Variants in SGCZ observed in about 807,000 individuals in gnomAD.
SGCZ encodes the protein sarcoglycan zeta.
A neutral mutation model predicts 41.3 loss-of-function variants in SGCZ; 40 were observed. The ratio of observed to expected loss-of-function variants is 0.97; its 90% CI spans 0.75 to 1.26. The LOEUF (loss-of-function observed/expected upper bound fraction) is 1.26. SGCZ is among the 50% of genes most tolerant of loss of function. The pLI is 0.00. For synonymous variants in SGCZ, 206 were observed against 137.5 expected (o/e 1.50, Z -3.49); for missense variants, 552 against 369.8 (o/e 1.49, Z -4.04).
intron 2 of SGCZ, among the ~76,000 whole-genome samples, chr8:14,454,106 C>T (rs1800674786): frequency 6.6e-6 from 1 of 152,222 alleles, no homozygotes; most frequent in Middle Eastern, 3.4e-3. Context: ...TGGGGAATGG[C>T]CATTTCCTTA....
At chr8:14,430,056 C>T (rs932184044) in intron 2 of SGCZ, among the ~76,000 whole-genome samples, 37 of 152,134 alleles carry the variant, frequency 2.4e-4, no homozygotes, top group African/African-American at 7.5e-4. Flanking sequence ...CTTCTTTTCT[C>T]GGTTAATCTG....
chr8:14,843,241 A>G (rs1802987611), intron 1 of SGCZ, among the ~76,000 whole-genome samples: 2 of 152,092 alleles, frequency 1.3e-5, no homozygotes, highest in Non-Finnish European at 2.9e-5. Flanking sequence ...ACTAGTTTCT[A>G]TGTACATAGA....
At chr8:15,205,677 G>A (rs540940940) in intron 1 of SGCZ, among the ~76,000 whole-genome samples, 1 of 152,280 alleles carries the variant, frequency 6.6e-6, no homozygotes, top group East Asian at 1.9e-4. Flanking sequence ...ATGTAAATTA[G>A]TTCAACCATT....
At chr8:14,637,216 C>G (rs1806860339) in intron 1 of SGCZ, among the ~76,000 whole-genome samples, 1 of 151,812 alleles carries the variant, frequency 6.6e-6, no homozygotes, top group South Asian at 2.1e-4. Context: ...TTTATTCAGT[C>G]TGTTTTCTAG....
intron 1 of SGCZ, among the ~76,000 whole-genome samples, chr8:15,099,637 T>C (rs1283991686): frequency 6.6e-6 from 1 of 152,150 alleles, no homozygotes; most frequent in Non-Finnish European, 1.5e-5. Flanking sequence ...ATTACCCTAA[T>C]ACTAAAACCT....
intron 1 of SGCZ, among the ~76,000 whole-genome samples, chr8:15,091,435 A>T (rs1454495230): frequency 6.6e-6 from 1 of 152,206 alleles, no homozygotes; most frequent in African/African-American, 2.4e-5. Context: ...AGAAATCCTC[A>T]TCATTCTGGA....
intron 4 of SGCZ, among the ~76,000 whole-genome samples, chr8:14,231,486 G>A (rs577637171): frequency 1.6e-4 from 24 of 152,008 alleles, no homozygotes; most frequent in Middle Eastern, 6.8e-3. Context: ...GGCAAACACA[G>A]GTCCAATTAT....
chr8:14,803,987 A>G (rs972994702), intron 1 of SGCZ, among the ~76,000 whole-genome samples: 1 of 123,180 alleles, frequency 8.1e-6, no homozygotes, highest in Admixed American at 8.5e-5. Flanking sequence ...CTCACACGGC[A>G]GGGTATTCCA....
At chr8:15,164,556 A>G (rs1485221878) in intron 1 of SGCZ, among the ~76,000 whole-genome samples, 1 of 151,676 alleles carries the variant, frequency 6.6e-6, no homozygotes, top group Non-Finnish European at 1.5e-5. Context: ...CTTGCCTAAG[A>G]ATAAGAGGTT....
intron 1 of SGCZ, among the ~76,000 whole-genome samples, chr8:15,163,746 C>T (rs758062245): frequency 1.4e-4 from 21 of 152,274 alleles, no homozygotes; most frequent in Non-Finnish European, 2.4e-4. Context: ...TTATTATTTA[C>T]AGCAATTTGC....
At chr8:14,970,301 G>A (rs1426730949) in intron 1 of SGCZ, among the ~76,000 whole-genome samples, 1 of 152,040 alleles carries the variant, frequency 6.6e-6, no homozygotes, top group African/African-American at 2.4e-5. Context: ...CACTTACTCT[G>A]TCTTGTCTTT....
intron 1 of SGCZ, among the ~76,000 whole-genome samples, chr8:14,922,993 T>C (rs545266884): frequency 6.6e-6 from 1 of 152,372 alleles, no homozygotes; most frequent in South Asian, 2.1e-4. Flanking sequence ...AATTGAATGA[T>C]GAGCTTCTAC....
intron 5 of SGCZ, among the ~76,000 whole-genome samples, chr8:14,153,715 GATGTGTCTAGAAT>G (rs1803785221): frequency 6.6e-6 from 1 of 151,978 alleles, no homozygotes; most frequent in South Asian, 2.1e-4. Flanking sequence ...CATAGCCATT[GATGTGTCTAGAAT>G]CTCAGAGATC....
intron 1 of SGCZ, among the ~76,000 whole-genome samples, chr8:14,800,639 T>A (rs1455234548): frequency 2.6e-5 from 4 of 152,140 alleles, no homozygotes; most frequent in Admixed American, 2.0e-4. Context: ...GTTTCCACCT[T>A]CTCTCTTTCT....
At chr8:15,164,731 G>A (rs1455058527) in intron 1 of SGCZ, among the ~76,000 whole-genome samples, 1 of 151,432 alleles carries the variant, frequency 6.6e-6, no homozygotes, top group African/African-American at 2.4e-5. Flanking sequence ...TGTGAAAAAG[G>A]GTTTGTGAGG....
chr8:14,615,412 T>C (rs1033006388), intron 1 of SGCZ, among the ~76,000 whole-genome samples: 4 of 152,230 alleles, frequency 2.6e-5, no homozygotes, highest in Non-Finnish European at 5.9e-5. Context: ...CTGCTCTCAC[T>C]GCTGGGTGGA....
intron 1 of SGCZ, among the ~76,000 whole-genome samples, chr8:14,955,553 A>C (rs1348882194): frequency 2.0e-5 from 3 of 152,232 alleles, no homozygotes; most frequent in Non-Finnish European, 4.4e-5. Context: ...CCATATTGTT[A>C]CCGATACATG....
At chr8:14,484,782 A>C (rs1345081397) in intron 2 of SGCZ, among the ~76,000 whole-genome samples, 1 of 152,226 alleles carries the variant, frequency 6.6e-6, no homozygotes, top group African/African-American at 2.4e-5. Context: ...ACATAATACA[A>C]CTACAGAAAA....
intron 2 of SGCZ, among the ~76,000 whole-genome samples, chr8:14,368,212 T>C (rs758819028): frequency 6.6e-6 from 1 of 152,088 alleles, no homozygotes; most frequent in Non-Finnish European, 1.5e-5. Context: ...CAAGAATATA[T>C]GTGAGTGTAT....
Sources: allele counts gnomAD v4.1 joint callset (sites outside exome capture counted in the v4.1 genomes callset), GRCh38; gene constraint gnomAD v4.1.1; transcripts MANE v1.5; gene names NCBI Gene and HGNC (gene_info 2026-07-23, HGNC 2026-07-21).